The following STAG1 variants were observed in gnomAD, a reference collection of about 807,000 sequenced individuals.
The protein encoded by STAG1 is STAG1 cohesin complex component.
A neutral mutation model predicts 170.9 loss-of-function variants in STAG1; 26 were observed. The observed-to-expected ratio is 0.15, with a 90% CI of 0.11 to 0.21. STAG1 has a LOEUF of 0.21. Ranked by LOEUF, STAG1 falls within the 10% of genes least tolerant of loss-of-function variation. The pLI, the probability that STAG1 is intolerant of heterozygous loss-of-function variation, is 1.00. For synonymous variants in STAG1, 514 were observed against 497.7 expected (o/e 1.03, Z -0.44); for missense variants, 964 against 1,509.5 (o/e 0.64, Z 5.99).
intron 5 of STAG1, among the ~76,000 whole-genome samples, chr3:136,567,085 G>A (rs766447977): frequency 7.4e-5 from 11 of 149,454 alleles, no homozygotes; most frequent in Non-Finnish European, 1.2e-4. Flanking sequence ...TAGATGGATG[G>A]GAAGACAGAA....
chr3:136,564,329 T>G (rs1936971834), intron 5 of STAG1, among the ~76,000 whole-genome samples: 1 of 151,854 alleles, frequency 6.6e-6, no homozygotes, highest in African/African-American at 2.4e-5. Context: ...TACAAAAGAG[T>G]TTATCAATTT....
At chr3:136,530,872 G>A (rs1382220151) in intron 6 of STAG1, among the ~76,000 whole-genome samples, 1 of 152,172 alleles carries the variant, frequency 6.6e-6, no homozygotes, top group East Asian at 1.9e-4. Flanking sequence ...TTGGGAGGCT[G>A]AAGTTGGTGG....
At chr3:136,581,725 T>C (rs945608495) in intron 4 of STAG1, among the ~76,000 whole-genome samples, 1 of 152,106 alleles carries the variant, frequency 6.6e-6, no homozygotes, top group South Asian at 2.1e-4. Context: ...TACTTCTACT[T>C]AGGATAATGA....
intron 23 of STAG1, among the ~76,000 whole-genome samples, chr3:136,375,157 CTTG>C (rs765753459): frequency 7.2e-5 from 11 of 152,230 alleles, no homozygotes; most frequent in Non-Finnish European, 1.5e-4. Flanking sequence ...ACAATGTATC[CTTG>C]TTGTTAAGTG....
chr3:136,724,770 C>A (rs942160226), intron 1 of STAG1, among the ~76,000 whole-genome samples: 1 of 151,976 alleles, frequency 6.6e-6, no homozygotes, highest in Non-Finnish European at 1.5e-5. Flanking sequence ...GACAAAAATG[C>A]AAAGCAGATG....
intron 26 of STAG1, among the ~76,000 whole-genome samples, chr3:136,361,467 C>T (rs1180770319): frequency 6.6e-6 from 1 of 152,254 alleles, no homozygotes; most frequent in South Asian, 2.1e-4. Context: ...GAATATATAT[C>T]TTCAATTTTG....
At chr3:136,515,802 T>TA (rs1237557394) in intron 7 of STAG1, among the ~76,000 whole-genome samples, 1 of 152,150 alleles carries the variant, frequency 6.6e-6, no homozygotes, top group Non-Finnish European at 1.5e-5. Context: ...ATTTTATGGG[T>TA]AAAACTACAT....
At chr3:136,510,306 T>C (rs1301539196) in intron 7 of STAG1, among the ~76,000 whole-genome samples, 1 of 152,214 alleles carries the variant, frequency 6.6e-6, no homozygotes, top group Admixed American at 6.5e-5. Flanking sequence ...TTCTTATTTT[T>C]TGAGATGGAG....
chr3:136,565,007 A>AAGGAAGGC (rs1224563215), intron 5 of STAG1, among the ~76,000 whole-genome samples: 1 of 54,228 alleles, frequency 1.8e-5, no homozygotes, highest in Admixed American at 1.4e-4. Context: ...GGAAGGAAGG[A>AAGGAAGGC]AGGAAGGCAG....
intron 1 of STAG1, among the ~76,000 whole-genome samples, chr3:136,691,568 G>T (rs575547601): frequency 7.9e-5 from 12 of 152,328 alleles, no homozygotes; most frequent in African/African-American, 2.6e-4. Context: ...TTGGTGTCCA[G>T]TAGTAGCTGG....
chr3:136,689,900 G>A (rs1247116769), intron 1 of STAG1, among the ~76,000 whole-genome samples: 1 of 151,756 alleles, frequency 6.6e-6, no homozygotes, highest in African/African-American at 2.4e-5. Context: ...AAATTAGCCA[G>A]GCGTGGTGGC....
At chr3:136,729,877 CTTTTTTTTTTT>C (rs36212432) in intron 1 of STAG1, among the ~76,000 whole-genome samples, 6 of 58,512 alleles carry the variant, frequency 1.0e-4, no homozygotes, top group East Asian at 4.6e-4. Context: ...CCACGCCAGG[CTTTTTTTTTTT>C]TTTTTTTTTT....
At chr3:136,370,076 CTATACTATACTATACTAT>C (rs1560064459) in intron 23 of STAG1, among the ~76,000 whole-genome samples, 3 of 150,092 alleles carry the variant, frequency 2.0e-5, no homozygotes, top group African/African-American at 7.4e-5. Flanking sequence ...CTATACTATA[CTATACTATACTATACTAT>C]ACTAATTTCT....
chr3:136,387,984 C>T (rs896102235), intron 22 of STAG1, among the ~76,000 whole-genome samples: 1 of 152,168 alleles, frequency 6.6e-6, no homozygotes, highest in Non-Finnish European at 1.5e-5. Flanking sequence ...AAATCTATCA[C>T]GCTGTATCCC....
chr3:136,623,318 T>C (rs1182902907), intron 2 of STAG1, 70 bp from the exon 3 acceptor site: 1 of 1,387,570 alleles, frequency 7.2e-7, no homozygotes, highest in South Asian at 1.2e-5. Context: ...ACTACTTTCC[T>C]TACCACCTGC....
chr3:136,479,071 T>TG (rs2089846035), intron 9 of STAG1, among the ~76,000 whole-genome samples: 1 of 150,548 alleles, frequency 6.6e-6, no homozygotes, highest in South Asian at 2.1e-4. Flanking sequence ...TTTTTTTTTT[T>TG]TTTTTAATTT....
At chr3:136,353,748 T>C (rs754333465) in intron 28 of STAG1, among the ~76,000 whole-genome samples, 2 of 152,184 alleles carry the variant, frequency 1.3e-5, no homozygotes, top group Non-Finnish European at 2.9e-5. Context: ...GTTAGTCAAG[T>C]TGAAAGCAAA....
At chr3:136,521,155 A>G in intron 7 of STAG1, 58 bp downstream of exon 7, 1 of 1,331,352 alleles carries the variant, frequency 7.5e-7, no homozygotes, top group South Asian at 1.3e-5. Context: ...GTTTGTAATC[A>G]GAATAAAACA....
At chr3:136,591,254 A>AGGGAGGAGGGAGGAG (rs1238379400) in intron 4 of STAG1, among the ~76,000 whole-genome samples, 6 of 126,438 alleles carry the variant, frequency 4.7e-5, no homozygotes, top group Admixed American at 8.1e-5. Context: ...GGAGGGAGGA[A>AGGGAGGAGGGAGGAG]GGGAGGAGGG....
Sources: gnomAD v4.1 joint callset for allele counts (sites outside exome capture counted in the v4.1 genomes callset) on GRCh38, gnomAD v4.1.1 for gene constraint, MANE v1.5 for transcripts, NCBI Gene and HGNC (gene_info 2026-07-23, HGNC 2026-07-21) for gene names.